GRIA1: variants seen among roughly 807,000 people sequenced by gnomAD.
GRIA1 encodes the protein glutamate receptor 1.
Under a neutral mutation model 99.2 loss-of-function variants are expected in GRIA1, and 31 were observed. The observed-to-expected ratio is 0.31, with a 90% confidence interval of 0.23 to 0.42. GRIA1 has a LOEUF of 0.42. GRIA1 is among the 10% of genes least tolerant of loss of function. GRIA1 has a pLI of 1.00. For missense variants in GRIA1, 782 were observed against 1,157.5 expected (o/e 0.68, Z 4.71); for synonymous variants, 438 against 432.4 (o/e 1.01, Z -0.16).
At chr5:153,800,251 C>T (rs1765920074) in intron 14 of GRIA1, among the ~76,000 whole-genome samples, 1 of 152,150 alleles carries the variant, frequency 6.6e-6, no homozygotes, top group South Asian at 2.1e-4. Context: ...TACATGCCTC[C>T]TAACCCCACC....
intron 3 of GRIA1, among the ~76,000 whole-genome samples, chr5:153,649,091 A>T (rs1473091930): frequency 6.6e-6 from 1 of 152,196 alleles, no homozygotes; most frequent in African/African-American, 2.4e-5. Flanking sequence ...CTGGCCTTGA[A>T]GATGGAAGGG....
At chr5:153,585,763 A>G in intron 2 of GRIA1, among the ~76,000 whole-genome samples, 1 of 152,086 alleles carries the variant, frequency 6.6e-6, no homozygotes. Context: ...CTCATATTTC[A>G]GGTCTTAGCA....
chr5:153,802,124 C>A (rs961128139), intron 14 of GRIA1, among the ~76,000 whole-genome samples: 4 of 152,134 alleles, frequency 2.6e-5, no homozygotes, highest in Admixed American at 2.0e-4. Flanking sequence ...ACAAGTTCAA[C>A]ATAGTCAGGG....
intron 11 of GRIA1, among the ~76,000 whole-genome samples, chr5:153,741,743 G>A (rs932586220): frequency 6.6e-6 from 1 of 152,134 alleles, no homozygotes; most frequent in Non-Finnish European, 1.5e-5. Flanking sequence ...GGTTGCCAGG[G>A]ACTGAGGCAG....
At chr5:153,512,547 ATTCTAAGT>A (rs1756198091) in intron 2 of GRIA1, among the ~76,000 whole-genome samples, 1 of 152,226 alleles carries the variant, frequency 6.6e-6, no homozygotes, top group African/African-American at 2.4e-5. Flanking sequence ...GACAGAGCCC[ATTCTAAGT>A]GTGTGGACTG....
intron 2 of GRIA1, among the ~76,000 whole-genome samples, chr5:153,547,075 A>C (rs893069857): frequency 6.6e-6 from 1 of 152,228 alleles, no homozygotes; most frequent in Non-Finnish European, 1.5e-5. Flanking sequence ...GGCCAAGCTT[A>C]ACCCGTGGGC....
intron 2 of GRIA1, among the ~76,000 whole-genome samples, chr5:153,496,789 T>G (rs141486161): frequency 2.7e-4 from 41 of 152,322 alleles, no homozygotes; most frequent in African/African-American, 9.1e-4. Flanking sequence ...TCAGACTAAT[T>G]TTCTGTGCTG....
At chr5:153,748,161 T>C (rs1351219143) in intron 11 of GRIA1, among the ~76,000 whole-genome samples, 3 of 152,208 alleles carry the variant, frequency 2.0e-5, no homozygotes, top group African/African-American at 7.2e-5. Context: ...AGATCACATA[T>C]ACTTTGATAA....
intron 13 of GRIA1, among the ~76,000 whole-genome samples, chr5:153,784,875 C>T (rs149264343): frequency 1.3e-5 from 2 of 152,254 alleles, no homozygotes; most frequent in African/African-American, 4.8e-5. Flanking sequence ...GACCCAGGCC[C>T]ACCAGTACTA....
At chr5:153,628,931 C>T (rs879221793) in intron 2 of GRIA1, among the ~76,000 whole-genome samples, 1 of 152,208 alleles carries the variant, frequency 6.6e-6, no homozygotes, top group African/African-American at 2.4e-5. Context: ...CTTTGTTCCT[C>T]TCCTAGTCAC....
chr5:153,520,537 C>T (rs541602515), intron 2 of GRIA1, among the ~76,000 whole-genome samples: 3 of 152,084 alleles, frequency 2.0e-5, no homozygotes, highest in Non-Finnish European at 4.4e-5. Context: ...ATGAGGACAT[C>T]ATTAAAATTG....
intron 2 of GRIA1, among the ~76,000 whole-genome samples, chr5:153,621,342 C>T (rs948387604): frequency 2.6e-5 from 4 of 152,112 alleles, no homozygotes; most frequent in African/African-American, 9.7e-5. Context: ...TGGTACACAC[C>T]TGTAATCCCA....
At chr5:153,656,172 CCA>C (rs1452010788) in intron 5 of GRIA1, among the ~76,000 whole-genome samples, 2 of 152,088 alleles carry the variant, frequency 1.3e-5, no homozygotes, top group African/African-American at 4.8e-5. Context: ...GACAAAATCA[CCA>C]CATCTTTGAA....
In GRIA1 at chr5:153,738,076, G is replaced by A. The variant is rs529888442; in HGVS notation, c.1824-26358G>A. Among the ~76,000 whole-genome samples the A allele has an allele frequency of 5.3e-5, 8 of 152,316 alleles. No individual in the cohort carries two copies. In the East Asian group the frequency reaches 1.2e-3, roughly 22 times the overall value. ...CCAGACCCAGCTCCCCAGGAACAGC[G>A]ACTAAGAAACAGAGACACAGACCAA... On this transcript the variant is annotated intron_variant, in intron 11 of 15. Transcript: ENST00000285900.
In GRIA1 at chr5:153,769,321, G is replaced by A. The variant is rs191981349; in HGVS notation, c.2023-847G>A. 7.9e-4 allele frequency among the ~76,000 whole-genome samples: 120 copies of A among 152,036 alleles called. 1 individual carries two copies. Among genetic ancestry groups the A allele is most frequent in the African/African-American group, 7.3e-5 (3 of 41,376 alleles). On this transcript the variant is annotated intron_variant, in intron 12 of 15. Transcript: ENST00000285900. ...TCAGAATCTCTAGATTTAGAGCTAG[G>A]GAATATGCATTTTTACAATCGATGT...
intron 2 of GRIA1, among the ~76,000 whole-genome samples, chr5:153,537,373 G>A (rs758846315): frequency 6.6e-6 from 1 of 152,086 alleles, no homozygotes; most frequent in Non-Finnish European, 1.5e-5. Context: ...CCTAGCGAAG[G>A]GCCCCGTGGA....
At chr5:153,638,048 T>A (rs1581380469) in intron 2 of GRIA1, among the ~76,000 whole-genome samples, 1 of 152,204 alleles carries the variant, frequency 6.6e-6, no homozygotes, top group South Asian at 2.1e-4. Context: ...GTGCAAGACA[T>A]GTCATGAAAG....
At chr5:153,496,201 A>G (rs1024746616) in intron 2 of GRIA1, among the ~76,000 whole-genome samples, 4 of 152,222 alleles carry the variant, frequency 2.6e-5, no homozygotes, top group African/African-American at 9.6e-5. Flanking sequence ...AATAGGGTTA[A>G]TGACTGTTTA....
intron 5 of GRIA1, among the ~76,000 whole-genome samples, chr5:153,670,595 A>G (rs1255181156): frequency 6.6e-6 from 1 of 152,128 alleles, no homozygotes; most frequent in Non-Finnish European, 1.5e-5. Context: ...TAGTATTTTT[A>G]TATAATACTA....
Sources: gnomAD v4.1 joint callset for allele counts (sites outside exome capture counted in the v4.1 genomes callset) on GRCh38, gnomAD v4.1.1 for gene constraint, MANE v1.5 for transcripts, NCBI Gene and HGNC (gene_info 2026-07-23, HGNC 2026-07-21) for gene names.